Variants in ATP2B1 observed in about 807,000 individuals in gnomAD.
The protein encoded by ATP2B1 is plasma membrane calcium-transporting ATPase 1.
A neutral mutation model predicts 124.2 loss-of-function variants in ATP2B1; 14 were observed. The ratio of observed to expected loss-of-function variants is 0.11; its 90% CI spans 0.07 to 0.18. The LOEUF is 0.18. Ranked by LOEUF, ATP2B1 falls within the 10% of genes least tolerant of loss-of-function variation. The probability of loss-of-function intolerance (pLI) is 1.00; values close to 1 mark genes in which losing one functional copy is unlikely to be tolerated. For synonymous variants in ATP2B1, 449 were observed against 492.4 expected (o/e 0.91, Z 1.17); for missense variants, 763 against 1,466.1 (o/e 0.52, Z 7.83).
chr12:89,599,042 C>T, intron 20 of ATP2B1, 75 bp downstream of exon 20: 6 of 1,501,092 alleles, frequency 4.0e-6, no homozygotes, highest in Non-Finnish European at 5.4e-6. Flanking sequence ...GTTTAAGGAG[C>T]ACACTCGAAC....
chr12:89,698,813 G>C (rs1390952547), intron 1 of ATP2B1, among the ~76,000 whole-genome samples: 2 of 152,148 alleles, frequency 1.3e-5, no homozygotes, highest in Admixed American at 1.3e-4. Context: ...GGTTAGATAA[G>C]ACACTTCTAT....
intron 5 of ATP2B1, among the ~76,000 whole-genome samples, chr12:89,634,050 C>T (rs1343925078): frequency 6.6e-6 from 1 of 152,122 alleles, no homozygotes; most frequent in Non-Finnish European, 1.5e-5. Context: ...CCCACCACCC[C>T]TTCCATTTCA....
Position 89,601,435 on chromosome 12 carries a change from TG to T in ATP2B1, c.3061-3del. The stretch of plus-strand genomic sequence containing the variant: ...TCCACCAAACTGCACAATTATTATC[TG>T]GAGGAATAATCAAGAGTAAATTTAC... On this transcript the variant is annotated splice_polypyrimidine_tract_variant and splice_region_variant and intron_variant, in intron 18 of 20. Coordinates refer to ENST00000428670, the MANE Select transcript of ATP2B1 (RefSeq NM_001366521.1). 6.6e-7 allele frequency: 1 copy of T among 1,518,040 alleles called. No individual in the cohort carries two copies. The highest frequency in any genetic ancestry group is 8.8e-7 in the Non-Finnish European group (1 of 1,130,100). The allele number at this position is 1,518,040 out of a possible 1,614,324, so 94.0% of individuals were successfully genotyped here.
chr12:89,654,321 G>A (rs948217109), intron 2 of ATP2B1, among the ~76,000 whole-genome samples: 1 of 152,128 alleles, frequency 6.6e-6, no homozygotes, highest in Non-Finnish European at 1.5e-5. Context: ...CCTTAGATAT[G>A]CAATACCATT....
At chr12:89,602,706 C>CT (rs201875332) in intron 18 of ATP2B1, among the ~76,000 whole-genome samples, 6 of 151,818 alleles carry the variant, frequency 4.0e-5, no homozygotes, top group East Asian at 1.9e-4. Context: ...TAAACCTGAT[C>CT]TTTTTTTTGG....
At chr12:89,671,585 T>C (rs1289895235) in intron 1 of ATP2B1, among the ~76,000 whole-genome samples, 1 of 152,162 alleles carries the variant, frequency 6.6e-6, no homozygotes, top group Non-Finnish European at 1.5e-5. Context: ...AATTGCCAGA[T>C]GAGGTAACTA....
intron 15 of ATP2B1, among the ~76,000 whole-genome samples, chr12:89,609,352 A>T (rs1326707660): frequency 6.6e-6 from 1 of 152,226 alleles, no homozygotes; most frequent in Admixed American, 6.5e-5. Context: ...ATTTAGGTTA[A>T]AAATTTCAGT....
chr12:89,669,946 T>C (rs1887743213), intron 1 of ATP2B1, among the ~76,000 whole-genome samples: 1 of 152,196 alleles, frequency 6.6e-6, no homozygotes, highest in Non-Finnish European at 1.5e-5. Flanking sequence ...ATTTTATAAC[T>C]GCTGATCTCC....
At chr12:89,677,784 T>C (rs1042852960) in intron 1 of ATP2B1, among the ~76,000 whole-genome samples, 3 of 151,854 alleles carry the variant, frequency 2.0e-5, no homozygotes, top group Non-Finnish European at 4.4e-5. Context: ...AATTAAATTA[T>C]ATGTTCATCC....
chr12:89,592,014 C>T (rs1055988729), intron 20 of ATP2B1, among the ~76,000 whole-genome samples: 2 of 151,884 alleles, frequency 1.3e-5, no homozygotes, highest in African/African-American at 4.8e-5. Context: ...AAAACAAATC[C>T]TCTGGGATTC....
At chr12:89,621,883 G>A in intron 9 of ATP2B1, 92 bp from the exon 10 acceptor site, 2 of 1,252,136 alleles carry the variant, frequency 1.6e-6, no homozygotes, top group South Asian at 2.0e-5. Flanking sequence ...TTTAAAATTA[G>A]AAAACTCCCA....
intron 1 of ATP2B1, among the ~76,000 whole-genome samples, chr12:89,690,136 A>C (rs1890392220): frequency 6.6e-6 from 1 of 152,092 alleles, no homozygotes; most frequent in African/African-American, 2.4e-5. Flanking sequence ...TATGACTATA[A>C]AGCAATAACA....
intron 2 of ATP2B1, among the ~76,000 whole-genome samples, chr12:89,649,395 G>C (rs1884944435): frequency 6.6e-6 from 1 of 152,240 alleles, no homozygotes; most frequent in Non-Finnish European, 1.5e-5. Flanking sequence ...AGTCAAAGAA[G>C]ATTGTTTTGG....
At chr12:89,606,296 A>AC (rs1876852549) in intron 15 of ATP2B1, among the ~76,000 whole-genome samples, 1 of 152,124 alleles carries the variant, frequency 6.6e-6, no homozygotes, top group Non-Finnish European at 1.5e-5. Flanking sequence ...ATCAAAAAGC[A>AC]CCAGAATTAT....
chr12:89,606,962 T>C (rs1877030758), intron 15 of ATP2B1, among the ~76,000 whole-genome samples: 3 of 152,160 alleles, frequency 2.0e-5, no homozygotes, highest in African/African-American at 7.2e-5. Context: ...AATCTCACCA[T>C]TCCCTTGCTC....
At chr12:89,658,915 G>A (rs933886686) in intron 1 of ATP2B1, among the ~76,000 whole-genome samples, 3 of 152,148 alleles carry the variant, frequency 2.0e-5, no homozygotes, top group Admixed American at 6.5e-5. Flanking sequence ...TTCCCAAAGT[G>A]GACCTATTTG....
At chr12:89,609,617 A>T (rs983255238) in intron 15 of ATP2B1, among the ~76,000 whole-genome samples, 15 of 152,178 alleles carry the variant, frequency 9.9e-5, no homozygotes, top group African/African-American at 3.6e-4. Context: ...AACTATTCTA[A>T]GCCTGTGTCC....
intron 1 of ATP2B1, among the ~76,000 whole-genome samples, chr12:89,693,653 T>C (rs908411030): frequency 5.3e-5 from 8 of 152,246 alleles, no homozygotes; most frequent in Admixed American, 1.3e-4. Context: ...AATTAGTTCC[T>C]ATGATACTTG....
At chr12:89,641,982 C>T (rs1883597582) in intron 3 of ATP2B1, 176 bp downstream of exon 3, 1 of 641,554 alleles carries the variant, frequency 1.6e-6, no homozygotes, top group African/African-American at 1.8e-5. Context: ...GTAACACAAT[C>T]TAATTCATAG....
Sources: gnomAD v4.1 joint callset for allele counts (sites outside exome capture counted in the v4.1 genomes callset) on GRCh38, gnomAD v4.1.1 for gene constraint, MANE v1.5 for transcripts, NCBI Gene and HGNC (gene_info 2026-07-23, HGNC 2026-07-21) for gene names.